PRLR: variants seen among roughly 807,000 people sequenced by gnomAD.
The protein encoded by PRLR is prolactin receptor.
PRLR carries 13 observed loss-of-function variants against 40.2 expected under a neutral mutation model. The observed-to-expected ratio is 0.32, with a 90% CI of 0.21 to 0.51. The LOEUF (loss-of-function observed/expected upper bound fraction) is 0.51. PRLR is among the 20% of genes least tolerant of loss of function. The pLI, the probability that PRLR is intolerant of heterozygous loss-of-function variation, is 0.97. For synonymous variants in PRLR, 269 were observed against 278.7 expected, an observed-to-expected ratio of 0.97 and a Z score of 0.35; for missense variants, 656 against 747.3, an observed-to-expected ratio of 0.88 and a Z score of 1.42.
chr5:35,107,590 A>G (rs1396697403), intron 2 of PRLR, among the ~76,000 whole-genome samples: 1 of 152,216 alleles, frequency 6.6e-6, no homozygotes, highest in Non-Finnish European at 1.5e-5. Flanking sequence ...AGAAAATACT[A>G]TAAAAACCTC....
intron 1 of PRLR, among the ~76,000 whole-genome samples, chr5:35,181,575 G>T (rs1775298559): frequency 1.3e-5 from 2 of 152,252 alleles, no homozygotes; most frequent in Admixed American, 1.3e-4. Context: ...AACACAATTT[G>T]CCATATCCAA....
rs915882231 is a variant in PRLR at position 35,063,261 on chromosome 5, C to T, written c.*1828G>A. On this transcript the variant is annotated 3_prime_UTR_variant, in exon 10 of 10. Coordinates refer to ENST00000618457, the MANE Select transcript of PRLR (RefSeq NM_000949.7). The stretch of plus-strand genomic sequence containing the variant: ...GCTTTTGCCATTCTCAAAACATTGG[C>T]AATGTGTTCACTTTCAAACAGGAGG... The T allele has an allele frequency of 1.6e-4, 25 of 152,136 alleles. No individual in the cohort carries two copies. The highest frequency in any genetic ancestry group is 5.3e-4 in the African/African-American group (22 of 41,434). 9.4% of individuals were successfully genotyped at this position (152,136 alleles called of 1,614,324 possible). A position where few individuals can be genotyped will look rare whatever the true frequency, so the allele number is the denominator to read the frequency against.
intron 2 of PRLR, among the ~76,000 whole-genome samples, chr5:35,100,197 A>AG (rs1328777314): frequency 4.6e-5 from 7 of 151,978 alleles, no homozygotes; most frequent in Non-Finnish European, 8.8e-5. Context: ...AAAAAAAAAA[A>AG]AAAAAGTCAA....
At position 35,066,043 on chromosome 5, in the gene PRLR, A is replaced by G. The variant is rs1325273986; in HGVS notation, c.915T>C (p.Ser305=). The change falls in exon 10 of 10, where the codon TCT becomes TCC. Residue 305 remains serine, a synonymous_variant. Coordinates refer to ENST00000618457, the MANE Select transcript of PRLR (RefSeq NM_000949.7). ...ALGCQDFPPT[S]DYEDLLVEYL... ...ACTCCACCAGCAAGTCCTCATAGTCAGAAGTGGGAGGAAAGTCTTGGCATC... is the reference window on the plus strand; with the variant it reads ...ACTCCACCAGCAAGTCCTCATAGTCGGAAGTGGGAGGAAAGTCTTGGCATC... 6.2e-7 allele frequency: 1 copy of G among 1,614,006 alleles called. No individual in the cohort carries two copies. Among genetic ancestry groups the G allele is most frequent in the African/African-American group, 1.3e-5 (1 of 74,924 alleles).
intron 1 of PRLR, among the ~76,000 whole-genome samples, chr5:35,141,741 C>T (rs1051187470): frequency 1.3e-5 from 2 of 152,182 alleles, no homozygotes; most frequent in African/African-American, 4.8e-5. Context: ...CCTCCCCACA[C>T]TCTAAGTCTA....
chr5:35,134,614 T>C (rs1274815734), intron 1 of PRLR, among the ~76,000 whole-genome samples: 8 of 152,260 alleles, frequency 5.3e-5, no homozygotes, highest in Non-Finnish European at 1.2e-4. Context: ...GGTTGCCTTC[T>C]GGCATGAAAT....
intron 2 of PRLR, among the ~76,000 whole-genome samples, chr5:35,114,177 G>A (rs1772870494): frequency 6.6e-6 from 1 of 152,114 alleles, no homozygotes; most frequent in East Asian, 1.9e-4. Context: ...TTAGGGACTT[G>A]GACAGGTACC....
At chr5:35,189,591 A>G (rs1775545083) in intron 1 of PRLR, among the ~76,000 whole-genome samples, 1 of 152,010 alleles carries the variant, frequency 6.6e-6, no homozygotes, top group African/African-American at 2.4e-5. Flanking sequence ...AAAAAAAAAA[A>G]AAGAAAGTTG....
intron 2 of PRLR, among the ~76,000 whole-genome samples, chr5:35,112,534 A>G (rs34219486): frequency 0.056 from 8,490 of 152,086 alleles, 563 homozygotes; most frequent in East Asian, 0.18. Context: ...GGATGTGGAA[A>G]TTCAAAGGCA....
chr5:35,058,747 A>T lies in PRLR; in HGVS notation c.*6342T>A, dbSNP rs1768866773. On this transcript the variant is annotated 3_prime_UTR_variant, in exon 10 of 10. Transcript: ENST00000618457. The stretch of plus-strand genomic sequence containing the variant: ...TCACAACATGAGGATTACATATTTC[A>T]ATATGGCATATACTATTTTTGAACC... The T allele has an allele frequency of 6.6e-6, 1 of 152,224 alleles. No homozygotes were observed. The highest frequency in any genetic ancestry group is 6.5e-5 in the Admixed American group (1 of 15,278). The allele number at this position is 152,224 out of a possible 1,614,324, so 9.4% of individuals were successfully genotyped here. A position where few individuals can be genotyped will look rare whatever the true frequency, so the allele number is the denominator to read the frequency against.
At chr5:35,218,259 CA>C (rs1453618788) in intron 1 of PRLR, among the ~76,000 whole-genome samples, 1 of 152,008 alleles carries the variant, frequency 6.6e-6, no homozygotes, top group African/African-American at 2.4e-5. Context: ...TTTAAAATAA[CA>C]TTTTTTTGAA....
chr5:35,164,358 G>C (rs1042214013), intron 1 of PRLR, among the ~76,000 whole-genome samples: 1 of 152,104 alleles, frequency 6.6e-6, no homozygotes, highest in Non-Finnish European at 1.5e-5. Flanking sequence ...GCCAAGAACA[G>C]TTTACTAAGG....
rs1043428374 is a variant in PRLR, at chr5:35,199,353, T to C, written c.-106+30915A>G. Among the ~76,000 whole-genome samples, 36 of 152,182 alleles carry C rather than the reference T, an allele frequency of 2.4e-4. 1 individual carries two copies. Among genetic ancestry groups the C allele is most frequent in the Non-Finnish European group, 5.9e-5 (4 of 68,030 alleles). On this transcript the variant is annotated intron_variant, in intron 1 of 9. Transcript: ENST00000618457. ...AGCGGTTAGATTGTGAGATGGACCA[T>C]ACATCTGATCGAAAATCAAATGACA...
intron 3 of PRLR, 91 bp downstream of exon 3, chr5:35,089,460 A>G (rs2112473791): frequency 2.3e-6 from 2 of 866,598 alleles, no homozygotes; most frequent in Non-Finnish European, 3.8e-6. Flanking sequence ...TTCATTTTTC[A>G]TAATGGCATT....
At chr5:35,214,408 A>G (rs956550331) in intron 1 of PRLR, among the ~76,000 whole-genome samples, 2 of 152,214 alleles carry the variant, frequency 1.3e-5, no homozygotes, top group African/African-American at 4.8e-5. Flanking sequence ...TGTGTTACGC[A>G]CTGCTCGAAC....
chr5:35,208,175 G>GCACACACACACACA (rs1381286643), intron 1 of PRLR, among the ~76,000 whole-genome samples: 3 of 145,346 alleles, frequency 2.1e-5, no homozygotes, highest in African/African-American at 7.7e-5. Flanking sequence ...ACCCACGCGC[G>GCACACACACACACA]CGCACACACA....
intron 1 of PRLR, among the ~76,000 whole-genome samples, chr5:35,217,088 C>T (rs1022878381): frequency 3.9e-5 from 6 of 152,206 alleles, no homozygotes; most frequent in Admixed American, 1.3e-4. Flanking sequence ...TTTAACTCCA[C>T]GTATCCTTCT....
chr5:35,173,230 C>T (rs1415296061), intron 1 of PRLR, among the ~76,000 whole-genome samples: 2 of 152,202 alleles, frequency 1.3e-5, no homozygotes, highest in Admixed American at 1.3e-4. Flanking sequence ...CACCCACATA[C>T]ATGTTGGCTG....
At chr5:35,145,422 A>C (rs990434101) in intron 1 of PRLR, among the ~76,000 whole-genome samples, 20 of 152,272 alleles carry the variant, frequency 1.3e-4, no homozygotes, top group African/African-American at 4.6e-4. Context: ...AGCTAAGGGA[A>C]GAAGTCCCTA....
Sources: allele counts gnomAD v4.1 joint callset (sites outside exome capture counted in the v4.1 genomes callset), GRCh38; gene constraint gnomAD v4.1.1; transcripts MANE v1.5; gene names NCBI Gene and HGNC (gene_info 2026-07-23, HGNC 2026-07-21).